ART3: variants seen among roughly 807,000 people sequenced by gnomAD.
ART3 encodes ADP-ribosyltransferase 3 (inactive), also known as ecto-ADP-ribosyltransferase 3.
ART3 carries 49 observed loss-of-function variants against 48.5 expected under a neutral mutation model. That is an observed-to-expected ratio of 1.01 (90% CI 0.80 to 1.28). ART3 has a LOEUF of 1.28. Ranked by LOEUF, ART3 falls within the 50% of genes most tolerant of loss-of-function variation. The pLI, the probability that ART3 is intolerant of heterozygous loss-of-function variation, is 0.00. For synonymous variants in ART3, 145 were observed against 157.2 expected (o/e 0.92, Z 0.58); for missense variants, 438 against 454.3 (o/e 0.96, Z 0.33).
intron 1 of ART3, chr4:76,036,175 C>T: frequency 1.8e-6 from 1 of 563,650 alleles, no homozygotes; most frequent in Non-Finnish European, 3.1e-6. Flanking sequence ...TTCCTGCTTC[C>T]AAGAGTTTCT....
chr4:76,012,272 A>G (rs542061353), intron 1 of ART3: 11 of 152,218 alleles, frequency 7.2e-5, no homozygotes, highest in African/African-American at 2.2e-4. Context: ...TACTTGTGAG[A>G]GGAGAAGTTT....
chr4:76,027,466 A>G (rs72501287), intron 1 of ART3, among the ~76,000 whole-genome samples: 11,528 of 151,890 alleles, frequency 0.076, 545 homozygotes, highest in South Asian at 0.14. Flanking sequence ...TTACAGATAA[A>G]TGTCATCAAA....
In ART3 at chr4:76,081,870, A is replaced by G. The variant is rs372306402; in HGVS notation, c.116A>G (p.Glu39Gly). 1.2e-6 allele frequency: 2 copies of G among 1,614,084 alleles called. No homozygotes were observed. The highest frequency in any genetic ancestry group is 1.7e-6 in the Non-Finnish European group (2 of 1,180,028). ...LDMADNAFDDEYLKCTDRMEI... is the reference protein window; with the variant it reads ...LDMADNAFDDGYLKCTDRMEI... ...ATGGCAGATAATGCATTTGATGATG[A>G]ATACCTGAAATGTACGGACAGGATG... The change falls in exon 3 of 12, where the codon GAA (glutamate) becomes GGA (glycine). Residue 39 changes from glutamate (E) to glycine (G), a missense_variant. This residue lies in a region of ART3 where 206 missense variants were observed against 205.3 expected (regional missense o/e 1.00). Coordinates refer to ENST00000355810, the MANE Select transcript of ART3 (RefSeq NM_001130016.3).
intron 5 of ART3, chr4:76,099,241 G>T: frequency 4.6e-6 from 2 of 438,186 alleles, no homozygotes; most frequent in Non-Finnish European, 8.5e-6. Context: ...GGCAGAGGTT[G>T]CAGTGAGCCA....
chr4:76,054,412 T>C (rs925664841), intron 1 of ART3, among the ~76,000 whole-genome samples: 2 of 143,534 alleles, frequency 1.4e-5, no homozygotes, highest in African/African-American at 2.6e-5. Context: ...TAAATAGATA[T>C]AGTTGAGAGT....
chr4:76,066,313 G>T (rs896387028), intron 1 of ART3, among the ~76,000 whole-genome samples: 4 of 152,112 alleles, frequency 2.6e-5, no homozygotes, highest in Non-Finnish European at 4.4e-5. Context: ...TGAAGGGTGA[G>T]GAAGAAGAAG....
chr4:76,052,698 AC>A (rs1277818665), intron 1 of ART3, among the ~76,000 whole-genome samples: 2 of 145,900 alleles, frequency 1.4e-5, no homozygotes, highest in Non-Finnish European at 3.0e-5. Flanking sequence ...ACATGCGTGT[AC>A]CCAATTTCTT....
At chr4:76,100,193 T>C in intron 5 of ART3, 98 bp from the exon 6 acceptor site, 4 of 1,234,048 alleles carry the variant, frequency 3.2e-6, no homozygotes, top group Non-Finnish European at 4.7e-6. Context: ...TGGTTCTTTA[T>C]AGTCATATTT....
chr4:76,105,856 C>A, intron 10 of ART3: 1 of 985,376 alleles, frequency 1.0e-6, no homozygotes, highest in Non-Finnish European at 1.2e-6. Context: ...GTGAAGGAAT[C>A]TGTAGACATA....
intron 1 of ART3, among the ~76,000 whole-genome samples, chr4:76,042,888 C>G (rs543976573): frequency 4.1e-4 from 62 of 152,040 alleles, no homozygotes; most frequent in East Asian, 3.5e-3. Context: ...TTATCTGGCC[C>G]CACCCACGTC....
At chr4:76,081,579 A>G (rs1722479514) in intron 2 of ART3, among the ~76,000 whole-genome samples, 1 of 152,206 alleles carries the variant, frequency 6.6e-6, no homozygotes, top group Non-Finnish European at 1.5e-5. Context: ...TAAATGAGCT[A>G]CAGGCACAAT....
chr4:76,072,203 T>C (rs1720386559), upstream of ART3, among the ~76,000 whole-genome samples: 1 of 152,252 alleles, frequency 6.6e-6, no homozygotes, highest in African/African-American at 2.4e-5. Context: ...ACTTTAACTG[T>C]ATAATAAATT....
At chr4:76,030,085 C>T (rs1006643184) in intron 1 of ART3, among the ~76,000 whole-genome samples, 3 of 152,176 alleles carry the variant, frequency 2.0e-5, no homozygotes, top group South Asian at 2.1e-4. Flanking sequence ...GATGGAGTCT[C>T]GCTCTATGTA....
intron 1 of ART3, among the ~76,000 whole-genome samples, chr4:76,060,012 G>T (rs1578367042): frequency 6.6e-6 from 1 of 152,288 alleles, no homozygotes; most frequent in South Asian, 2.1e-4. Context: ...AAGGGTGATT[G>T]TTCAGTCTGA....
chr4:76,046,092 C>T (rs1000640755), intron 1 of ART3, among the ~76,000 whole-genome samples: 9 of 142,034 alleles, frequency 6.3e-5, no homozygotes, highest in African/African-American at 1.9e-4. Flanking sequence ...TATTGAAGGA[C>T]CAGAGTGCCT....
At chr4:76,059,461 A>T (rs1366734846) in intron 1 of ART3, among the ~76,000 whole-genome samples, 2 of 145,292 alleles carry the variant, frequency 1.4e-5, no homozygotes, top group African/African-American at 5.1e-5. Flanking sequence ...TGAATTTTTT[A>T]AAAAATCTGT....
intron 11 of ART3, among the ~76,000 whole-genome samples, chr4:76,110,453 C>T (rs1008711871): frequency 1.1e-4 from 17 of 152,086 alleles, no homozygotes; most frequent in Non-Finnish European, 1.9e-4. Context: ...AACCAGTCCC[C>T]AAAGGATACT....
chr4:76,110,850 A>T (rs754995560), intron 11 of ART3, among the ~76,000 whole-genome samples: 52 of 152,170 alleles, frequency 3.4e-4, no homozygotes, highest in East Asian at 7.7e-4. Flanking sequence ...TATATATATA[A>T]AAAGAAAGTA....
chr4:76,097,525 A>G (rs1726279185), intron 3 of ART3, 119 bp from the exon 4 acceptor site: 7 of 825,292 alleles, frequency 8.5e-6, no homozygotes, highest in Non-Finnish European at 1.4e-5. Context: ...GCATCTTACT[A>G]ATTATGAGTC....
Sources: gnomAD v4.1 joint callset for allele counts (sites outside exome capture counted in the v4.1 genomes callset) on GRCh38, gnomAD v4.1.1 for gene constraint, gnomAD v4.1.1 regional missense constraint, MANE v1.5 for transcripts, NCBI Gene and HGNC (gene_info 2026-07-23, HGNC 2026-07-21) for gene names.